The following NUAK2 variants were observed in gnomAD, a reference collection of about 807,000 sequenced individuals.
NUAK2 encodes NUAK family kinase 2, also known as NUAK family SNF1-like kinase 2.
A neutral mutation model predicts 29.8 loss-of-function variants in NUAK2; 20 were observed. The ratio of observed to expected loss-of-function variants is 0.67; its 90% CI spans 0.47 to 0.98. NUAK2 has a LOEUF of 0.98. Ranked by LOEUF, NUAK2 falls within the 50% of genes least tolerant of loss-of-function variation. The pLI, the probability that NUAK2 is intolerant of heterozygous loss-of-function variation, is 0.00. For synonymous variants in NUAK2, 331 were observed against 342.6 expected (o/e 0.97, Z 0.37); for missense variants, 719 against 834.5 (o/e 0.86, Z 1.71).
intron 1 of NUAK2, among the ~76,000 whole-genome samples, chr1:205,320,534 G>C (rs571497748): frequency 1.3e-5 from 2 of 152,240 alleles, no homozygotes; most frequent in Non-Finnish European, 2.9e-5. Context: ...ACAGTGCTGG[G>C]ATTACAGGCG....
At chr1:205,312,346 G>A (rs1028122592) in intron 1 of NUAK2, among the ~76,000 whole-genome samples, 3 of 152,232 alleles carry the variant, frequency 2.0e-5, no homozygotes, top group Admixed American at 1.3e-4. Flanking sequence ...AGAGAGGTTA[G>A]ATGATGTGCT....
chr1:205,309,890 CCACCT>C lies in NUAK2; in HGVS notation c.353-1163_353-1159del, dbSNP rs560717077. Among the ~76,000 whole-genome samples, 177 of 152,320 alleles carry C rather than the reference CCACCT, an allele frequency of 1.2e-3. 4 individuals are homozygous for C. In the South Asian group the frequency reaches 0.035, roughly 30 times the overall value. On this transcript the variant is annotated intron_variant, in intron 2 of 6. Transcript: ENST00000367157. Reference sequence around the variant, plus strand: ...AATTGACTGGCTGGGTTCCTGGCAGCCACCTCATCCCAGCTGGCTCATCTCTCTGG... The same window carrying C: ...AATTGACTGGCTGGGTTCCTGGCAGCCATCCCAGCTGGCTCATCTCTCTGG...
At chr1:205,310,308 C>T (rs546073528) in intron 2 of NUAK2, among the ~76,000 whole-genome samples, 7 of 152,292 alleles carry the variant, frequency 4.6e-5, no homozygotes, top group African/African-American at 1.7e-4. Flanking sequence ...GCCTTTGTGC[C>T]ATAAAATCGG....
At chr1:205,318,723 C>G (rs1198454275) in intron 1 of NUAK2, among the ~76,000 whole-genome samples, 2 of 152,170 alleles carry the variant, frequency 1.3e-5, no homozygotes, top group Non-Finnish European at 2.9e-5. Flanking sequence ...GAAGGGGTGG[C>G]CAGGGGAGCT....
rs953753078 is a variant in NUAK2 at position 205,308,608 on chromosome 1, G to A, written c.477C>T (p.Ile159=). ...EREARHFFRQ[I]VSAVHYCHQN... The stretch of plus-strand genomic sequence containing the variant: ...GATGGCAATAGTGCACGGCAGAGAC[G>A]ATCTGCCGGAAGAAATGCCTAGCTT... Residue 159 remains isoleucine (I), a synonymous_variant, in exon 3 of 7, where the codon ATC becomes ATT. Transcript: ENST00000367157. This position sits in a 1 kb window ranked among gnomAD's most constrained non-coding sequence, Gnocchi z 4.1. 15 of 1,613,922 alleles carry A rather than the reference G, an allele frequency of 9.3e-6. No individual in the cohort carries two copies. In the Middle Eastern group the frequency reaches 4.9e-4, roughly 53 times the overall value.
chr1:205,303,733 C>T lies in NUAK2; in HGVS notation c.1604G>A (p.Arg535Gln), dbSNP rs563402132. ...CACAGCCCCTGAGGGTCGGCTGGCC[C>T]GGGCCAGGGGGCGAGGTGGGGCGAG... is the stretch of plus-strand genomic sequence containing the variant. ...DELAPPRPLA[R>Q]ASRPSGAVSE... The change falls in exon 7 of 7, where the codon CGG becomes CAG. Residue 535 changes from arginine to glutamine, a missense_variant. Arg to Gln is a conservative substitution (Grantham distance 43). This residue lies in a region of NUAK2 where 430 missense variants were observed against 465.7 expected (regional missense o/e 0.92). Transcript: ENST00000367157. The T allele has an allele frequency of 2.1e-5, 33 of 1,538,760 alleles. No individual in the cohort carries two copies. The highest frequency in any genetic ancestry group is 4.5e-5 in the East Asian group (2 of 44,284).
At chr1:205,311,595 AT>A (rs1411516298) in intron 2 of NUAK2, 109 bp downstream of exon 2, 110 of 1,411,068 alleles carry the variant, frequency 7.8e-5, no homozygotes, top group Admixed American at 1.3e-4. Context: ...TAGAGCCTAT[AT>A]TTTTTTTACT....
Position 205,308,703 on chromosome 1 carries a change from C to T in NUAK2, c.382G>A (p.Val128Ile), listed in dbSNP as rs746380943. The T allele has an allele frequency of 1.9e-5, 30 of 1,613,994 alleles. No homozygotes were observed. Among genetic ancestry groups the T allele is most frequent in the Admixed American group, 3.3e-5 (2 of 60,002 alleles). ...VFENSSKIVI[V>I]MEYASRGDLY... is the part of the protein sequence containing the mutation. The stretch of plus-strand genomic sequence containing the variant: ...TCGCCCCGGCTGGCATACTCCATGA[C>T]GATCACGATCTTGCTGCTGTTCTCA... The change falls in exon 3 of 7, where the codon GTC becomes ATC. Residue 128 changes from valine to isoleucine, a missense_variant. Val to Ile is a conservative substitution (Grantham distance 29, BLOSUM62 3). Coordinates refer to ENST00000367157, the MANE Select transcript of NUAK2 (RefSeq NM_030952.3). This position sits in a 1 kb window ranked among gnomAD's most constrained non-coding sequence, Gnocchi z 4.1.
intron 1 of NUAK2, among the ~76,000 whole-genome samples, chr1:205,317,887 T>C (rs907860331): frequency 6.6e-6 from 1 of 152,070 alleles, no homozygotes; most frequent in Non-Finnish European, 1.5e-5. Context: ...TTTCTCAGGG[T>C]AGGACAGACC....
rs771987069 is a variant in NUAK2 at position 205,311,794 on chromosome 1, A to G, written c.263T>C (p.Ile88Thr). The G allele has an allele frequency of 6.2e-7, 1 of 1,613,942 alleles. No individual in the cohort carries two copies. Among genetic ancestry groups the G allele is most frequent in the Non-Finnish European group, 8.5e-7 (1 of 1,179,998 alleles). Residue 88 changes from isoleucine to threonine, a missense_variant, in exon 2 of 7, where the codon ATC becomes ACC. Transcript: ENST00000367157. ...VAIKSIRKDKIKDEQDLMHIR... is the reference protein window; with the variant it reads ...VAIKSIRKDKTKDEQDLMHIR... The stretch of plus-strand genomic sequence containing the variant: ...GTGCATCAGATCTTGCTCATCTTTG[A>G]TTTTGTCCTTCCGGATTGACTTGAT...
chr1:205,312,789 T>A (rs1662273735), intron 1 of NUAK2, among the ~76,000 whole-genome samples: 2 of 151,960 alleles, frequency 1.3e-5, no homozygotes, highest in African/African-American at 2.4e-5. Context: ...GGCAACAGAG[T>A]GAGACCCTGT....
chr1:205,312,268 C>G (rs1224188708), intron 1 of NUAK2, among the ~76,000 whole-genome samples: 1 of 152,174 alleles, frequency 6.6e-6, no homozygotes, highest in Non-Finnish European at 1.5e-5. Flanking sequence ...CTGACCCTCA[C>G]AACAACCTTG....
In NUAK2 at chr1:205,303,370, T is replaced by G; in HGVS notation, c.*80A>C. Reference sequence around the variant, plus strand: ...GAGCTGGGATGCAGGTCCTGGGAGGTGGGGGAGAAGGCATCTCCCCTCGGG... The same window carrying G: ...GAGCTGGGATGCAGGTCCTGGGAGGGGGGGGAGAAGGCATCTCCCCTCGGG... On this transcript the variant is annotated 3_prime_UTR_variant, in exon 7 of 7. Transcript: ENST00000367157. The G allele has an allele frequency of 8.0e-7, 1 of 1,250,590 alleles. No homozygotes were observed. The highest frequency in any genetic ancestry group is 1.1e-6 in the Non-Finnish European group (1 of 905,658). 77.5% of individuals were successfully genotyped at this position (1,250,590 alleles called of 1,614,324 possible).
At chr1:205,316,488 C>A (rs1662330839) in intron 1 of NUAK2, among the ~76,000 whole-genome samples, 1 of 152,154 alleles carries the variant, frequency 6.6e-6, no homozygotes. Context: ...GCAGGGAAAC[C>A]ACCTCTGGGA....
chr1:205,313,336 G>C (rs1258121665), intron 1 of NUAK2, among the ~76,000 whole-genome samples: 1 of 152,000 alleles, frequency 6.6e-6, no homozygotes. Flanking sequence ...ACAGTTGCTT[G>C]CTATCTCAGG....
intron 1 of NUAK2, among the ~76,000 whole-genome samples, chr1:205,319,953 C>CA (rs1289345353): frequency 0.01 from 1,563 of 149,402 alleles, 14 homozygotes; most frequent in Middle Eastern, 0.021. Context: ...ACACACACAC[C>CA]CCCTCACAAC....
At chr1:205,319,523 C>A (rs1455944241) in intron 1 of NUAK2, among the ~76,000 whole-genome samples, 1 of 152,128 alleles carries the variant, frequency 6.6e-6, no homozygotes, top group African/African-American at 2.4e-5. Context: ...CTGGGCCACC[C>A]CAGTCCCCAC....
At chr1:205,320,266 T>C (rs1406126246) in intron 1 of NUAK2, among the ~76,000 whole-genome samples, 1 of 152,228 alleles carries the variant, frequency 6.6e-6, no homozygotes, top group Non-Finnish European at 1.5e-5. Flanking sequence ...CGTTTTGTTT[T>C]GTTTTGTTTT....
At position 205,321,741 on chromosome 1, in the gene NUAK2, C is replaced by G. The variant is rs1574897991; in HGVS notation, c.-113G>C. On this transcript the variant is annotated 5_prime_UTR_variant, in exon 1 of 7. Transcript: ENST00000367157. ...ACGGGGAGCCACAGCAGTACCAGAGCGCGCAGTAAAGCACAGCATTCCAAG... is the reference window on the plus strand; with the variant it reads ...ACGGGGAGCCACAGCAGTACCAGAGGGCGCAGTAAAGCACAGCATTCCAAG... 1.2e-6 allele frequency: 1 copy of G among 838,206 alleles called. No individual in the cohort carries two copies. The highest frequency in any genetic ancestry group is 1.9e-6 in the Non-Finnish European group (1 of 538,070). 51.9% of individuals were successfully genotyped at this position (838,206 alleles called of 1,614,324 possible).
Sources: allele counts gnomAD v4.1 joint callset (sites outside exome capture counted in the v4.1 genomes callset), GRCh38; gene constraint gnomAD v4.1.1; regional missense constraint gnomAD v4.1.1; non-coding constraint Gnocchi (gnomAD v3.1); transcripts MANE v1.5; gene names NCBI Gene and HGNC (gene_info 2026-07-23, HGNC 2026-07-21).